The following ZBTB7C variants were observed in gnomAD, a reference collection of about 807,000 sequenced individuals.
ZBTB7C encodes zinc finger and BTB domain-containing protein 7C.
A neutral mutation model predicts 25.7 loss-of-function variants in ZBTB7C; 8 were observed. The ratio of observed to expected loss-of-function variants is 0.31; its 90% CI spans 0.18 to 0.56. The LOEUF is 0.56. ZBTB7C is among the 20% of genes least tolerant of loss of function. ZBTB7C has a pLI of 0.91. For synonymous variants in ZBTB7C, 394 were observed against 369.0 expected (o/e 1.07, Z -0.78); for missense variants, 824 against 855.2 (o/e 0.96, Z 0.46).
rs1323219663 is a variant in ZBTB7C, at chr18:48,167,760, A to T, written c.-17+18174T>A. Among the ~76,000 whole-genome samples, 4 of 152,236 alleles carry T rather than the reference A, an allele frequency of 2.6e-5. No individual in the cohort carries two copies. The East Asian group carries it at 7.7e-4, about 29-fold the overall frequency. On this transcript the variant is annotated intron_variant, in intron 3 of 4. Transcript: ENST00000590800. The stretch of plus-strand genomic sequence containing the variant: ...TACCCGAGTTTCTTGCTTCTTGTAT[A>T]ACACAGCAGCCACAGGGTTTCAAGG...
intron 2 of ZBTB7C, among the ~76,000 whole-genome samples, chr18:48,256,118 A>G (rs2044014592): frequency 6.6e-6 from 1 of 152,108 alleles, no homozygotes; most frequent in Non-Finnish European, 1.5e-5. Context: ...AAAAATTACT[A>G]AACTTTATTT....
At chr18:48,200,087 A>C (rs1490415168) in intron 2 of ZBTB7C, among the ~76,000 whole-genome samples, 1 of 151,944 alleles carries the variant, frequency 6.6e-6, no homozygotes, top group Non-Finnish European at 1.5e-5. Context: ...CCCTGCCTGG[A>C]GAATAGACCC....
chr18:48,067,846 A>G (rs906421322), intron 3 of ZBTB7C, among the ~76,000 whole-genome samples: 17 of 152,090 alleles, frequency 1.1e-4, no homozygotes. Flanking sequence ...TACTAAAAAT[A>G]CAAAATTAGC....
At chr18:48,074,014 CTTTT>C (rs575904548) in intron 3 of ZBTB7C, among the ~76,000 whole-genome samples, 2 of 138,636 alleles carry the variant, frequency 1.4e-5, no homozygotes, top group Non-Finnish European at 1.6e-5. Context: ...AGAAAAATTT[CTTTT>C]TTTTTTTTTT....
chr18:48,176,616 C>CTGTGTGTGTGTGT (rs146025748), intron 3 of ZBTB7C, among the ~76,000 whole-genome samples: 2 of 149,642 alleles, frequency 1.3e-5, no homozygotes, highest in African/African-American at 4.9e-5. Context: ...AGGAAATACA[C>CTGTGTGTGTGTGT]GTGTGTGTGT....
rs577077979 is a variant in ZBTB7C, at chr18:48,309,282, G to T, written c.-79+28892C>A. On this transcript the variant is annotated intron_variant, in intron 2 of 4. Transcript: ENST00000590800. Reference sequence around the variant, plus strand: ...GTTATGAAATAGGAGGGCTGGGTGTGATTTGCATATAATTTGCATATGCCT... The same window carrying T: ...GTTATGAAATAGGAGGGCTGGGTGTTATTTGCATATAATTTGCATATGCCT... Among the ~76,000 whole-genome samples the T allele has an allele frequency of 1.7e-3, 257 of 152,266 alleles. 2 individuals are homozygous for T. Among genetic ancestry groups the T allele is most frequent in the African/African-American group, 5.6e-3 (234 of 41,564 alleles).
At chr18:48,344,823 A>T (rs1008942176) in intron 1 of ZBTB7C, among the ~76,000 whole-genome samples, 3 of 152,236 alleles carry the variant, frequency 2.0e-5, no homozygotes, top group African/African-American at 7.2e-5. Context: ...CATGAGGACC[A>T]TGAAGGTTGT....
chr18:48,061,706 CT>C (rs2037132948), intron 3 of ZBTB7C, among the ~76,000 whole-genome samples: 1 of 152,182 alleles, frequency 6.6e-6, no homozygotes, highest in African/African-American at 2.4e-5. Flanking sequence ...AAAAAGGATG[CT>C]TATTTTCAAA....
chr18:48,134,162 T>C (rs375814945), intron 3 of ZBTB7C, among the ~76,000 whole-genome samples: 1 of 151,594 alleles, frequency 6.6e-6, no homozygotes, highest in African/African-American at 2.4e-5. Context: ...TCGGTAACAA[T>C]TCTGGGGAAA....
chr18:48,040,445 C>T lies in ZBTB7C; in HGVS notation c.663G>A (p.Val221=), dbSNP rs770183704. Residue 221 remains valine, a synonymous_variant, in exon 4 of 5, where the codon GTG becomes GTA. Transcript: ENST00000590800. ...FQAGSPGHLG[V]IRDFSIESLL... ...GAGATTCGATGGAGAAGTCCCGGAT[C>T]ACCCCCAGATGGCCAGGACTGCCAG... 8 of 1,607,450 alleles carry T rather than the reference C, an allele frequency of 5.0e-6. No homozygotes were observed. The highest frequency in any genetic ancestry group is 3.4e-5 in the Admixed American group (2 of 59,532).
chr18:48,362,632 A>C (rs1479263249), intron 1 of ZBTB7C, among the ~76,000 whole-genome samples: 1 of 152,192 alleles, frequency 6.6e-6, no homozygotes, highest in African/African-American at 2.4e-5. Context: ...TTATTATAGC[A>C]GCCTAAACTG....
chr18:48,040,148 C>A lies in ZBTB7C; in HGVS notation c.960G>T (p.Gly320=), dbSNP rs113275715. ...TCTCCGCCTTGATGGGTCCCAGAGG[C>A]CCCCCCGGCAGGTCAGGGAACATGT... is the stretch of plus-strand genomic sequence containing the variant. ...FKDMFPDLPG[G]PLGPIKAEND... The change falls in exon 4 of 5, where the codon GGG becomes GGT. Residue 320 remains glycine, a synonymous_variant. Transcript: ENST00000590800. 2.5e-6 allele frequency: 4 copies of A among 1,577,586 alleles called. No homozygotes were observed. The South Asian group carries it at 3.6e-5, about 14-fold the overall frequency.
chr18:48,410,682 T>G (rs978039518), upstream of ZBTB7C: 20 of 152,456 alleles, frequency 1.3e-4, no homozygotes, highest in African/African-American at 4.8e-4. Flanking sequence ...CTCCTACCTT[T>G]TTGCAGTCCA....
At chr18:48,152,119 T>C (rs2040698342) in intron 3 of ZBTB7C, among the ~76,000 whole-genome samples, 1 of 152,128 alleles carries the variant, frequency 6.6e-6, no homozygotes, top group Admixed American at 6.5e-5. Context: ...CATGTGCTAC[T>C]ACTGGGACAC....
chr18:48,073,872 C>T (rs56310305), intron 3 of ZBTB7C, among the ~76,000 whole-genome samples: 23,432 of 152,192 alleles, frequency 0.15, 2,410 homozygotes, highest in South Asian at 0.23. Context: ...CCTTTTCTCT[C>T]CTCACTCTGA....
At chr18:48,163,627 A>G (rs1460287631) in intron 3 of ZBTB7C, among the ~76,000 whole-genome samples, 1 of 152,232 alleles carries the variant, frequency 6.6e-6, no homozygotes, top group Non-Finnish European at 1.5e-5. Flanking sequence ...ACAGACAAAG[A>G]AAGCCCAGAG....
At chr18:48,285,024 T>C (rs937191170) in intron 2 of ZBTB7C, among the ~76,000 whole-genome samples, 5 of 152,336 alleles carry the variant, frequency 3.3e-5, no homozygotes, top group African/African-American at 1.2e-4. Flanking sequence ...ATGATGTTGA[T>C]TATTTGACAC....
chr18:48,128,298 CA>C (rs1211063210), intron 3 of ZBTB7C, among the ~76,000 whole-genome samples: 5 of 152,232 alleles, frequency 3.3e-5, no homozygotes, highest in Non-Finnish European at 7.3e-5. Flanking sequence ...AGAAATGTGG[CA>C]CGATTAAAGT....
intron 2 of ZBTB7C, among the ~76,000 whole-genome samples, chr18:48,199,831 G>A (rs912468908): frequency 2.0e-5 from 3 of 152,188 alleles, no homozygotes; most frequent in African/African-American, 7.2e-5. Context: ...TCATTTTCCA[G>A]AGGATATGAT....
Sources: gnomAD v4.1 joint callset for allele counts (sites outside exome capture counted in the v4.1 genomes callset) on GRCh38, gnomAD v4.1.1 for gene constraint, MANE v1.5 for transcripts, NCBI Gene and HGNC (gene_info 2026-07-23, HGNC 2026-07-21) for gene names.